Variants in CADM2 observed in about 807,000 individuals in gnomAD.
CADM2 encodes the protein cell adhesion molecule 2.
In CADM2, 12 loss-of-function variants were observed where a neutral mutation model predicts 49.8. The ratio of observed to expected loss-of-function variants is 0.24; its 90% CI spans 0.15 to 0.39. The LOEUF is 0.39. CADM2 is among the 10% of genes least tolerant of loss of function. CADM2 has a pLI of 1.00. For synonymous variants in CADM2, 214 were observed against 175.4 expected (o/e 1.22, Z -1.74); for missense variants, 378 against 492.3 (o/e 0.77, Z 2.20).
At chr3:85,601,130 GTATATATATATATATA>G (rs375011644) in intron 1 of CADM2, among the ~76,000 whole-genome samples, 2,533 of 109,610 alleles carry the variant, frequency 0.023, 131 homozygotes, top group Non-Finnish European at 0.031. Context: ...ATATATGTGT[GTATATATATATATATA>G]TATATATATA....
chr3:85,571,347 C>T (rs1336578969), intron 1 of CADM2, among the ~76,000 whole-genome samples: 1 of 151,784 alleles, frequency 6.6e-6, no homozygotes. Context: ...AAACTTAGTG[C>T]AATAGAATTA....
intron 3 of CADM2, among the ~76,000 whole-genome samples, chr3:85,874,115 C>T (rs921211540): frequency 2.6e-5 from 4 of 151,920 alleles, no homozygotes; most frequent in Admixed American, 6.6e-5. Context: ...ACAACAAGTG[C>T]CTGGATTTTC....
chr3:85,484,209 T>C (rs7637879), intron 1 of CADM2, among the ~76,000 whole-genome samples: 46,515 of 151,694 alleles, frequency 0.31, 8,113 homozygotes, highest in East Asian at 0.53. Flanking sequence ...AATGAATTCT[T>C]AGATATTACC....
At chr3:85,110,308 C>T (rs773543539) in intron 1 of CADM2, among the ~76,000 whole-genome samples, 3 of 151,730 alleles carry the variant, frequency 2.0e-5, no homozygotes, top group Non-Finnish European at 4.4e-5. Context: ...GATTTTATTT[C>T]TATCATTTGC....
intron 1 of CADM2, among the ~76,000 whole-genome samples, chr3:85,127,644 A>G (rs919862098): frequency 6.6e-6 from 1 of 152,152 alleles, no homozygotes; most frequent in African/African-American, 2.4e-5. Flanking sequence ...TATGTTTGAT[A>G]TTGCCACCCC....
intron 1 of CADM2, among the ~76,000 whole-genome samples, chr3:85,468,830 A>T (rs997562623): frequency 5.9e-5 from 9 of 152,176 alleles, no homozygotes; most frequent in African/African-American, 1.9e-4. Context: ...TAACGAGCAG[A>T]TCACCACTGT....
intron 1 of CADM2, among the ~76,000 whole-genome samples, chr3:85,234,156 A>G (rs748001805): frequency 6.6e-6 from 1 of 152,082 alleles, no homozygotes; most frequent in Non-Finnish European, 1.5e-5. Context: ...TGAAGCAAGG[A>G]CTTGAACTTT....
At chr3:85,234,687 C>A (rs1389702031) in intron 1 of CADM2, among the ~76,000 whole-genome samples, 2 of 152,090 alleles carry the variant, frequency 1.3e-5, no homozygotes, top group Non-Finnish European at 2.9e-5. Flanking sequence ...GATGATGATT[C>A]ATATTATCTA....
chr3:85,105,583 C>T (rs1207396905), intron 1 of CADM2, among the ~76,000 whole-genome samples: 1 of 152,138 alleles, frequency 6.6e-6, no homozygotes, highest in African/African-American at 2.4e-5. Context: ...ACCCAGCCAT[C>T]CCATTACTGG....
intron 1 of CADM2, among the ~76,000 whole-genome samples, chr3:85,531,713 A>T (rs79034248): frequency 0.081 from 12,383 of 152,114 alleles, 977 homozygotes; most frequent in African/African-American, 0.19. Flanking sequence ...ATTTTCCCCC[A>T]GTCTAAAAAT....
In CADM2 at chr3:85,135,629, A is replaced by G. The variant is rs934167291; in HGVS notation, c.61+175961A>G. ...ATAAGTTTAAGTGGCCAGATTCAGT[A>G]CATGAGTTTTTCAGCATTCTAATAG... On this transcript the variant is annotated intron_variant, in intron 1 of 9. Coordinates refer to ENST00000383699, the MANE Select transcript of CADM2 (RefSeq NM_001167675.2). 1.1e-4 allele frequency among the ~76,000 whole-genome samples: 16 copies of G among 152,122 alleles called. 1 individual carries two copies. The highest frequency in any genetic ancestry group is 3.6e-4 in the African/African-American group (15 of 41,462).
At chr3:84,980,936 C>T (rs1416471574) in intron 1 of CADM2, among the ~76,000 whole-genome samples, 3 of 152,042 alleles carry the variant, frequency 2.0e-5, no homozygotes, top group Non-Finnish European at 4.4e-5. Context: ...GCACCACACT[C>T]AGTGGTATTT....
At chr3:84,968,780 C>G (rs192585198) in intron 1 of CADM2, among the ~76,000 whole-genome samples, 130 of 152,132 alleles carry the variant, frequency 8.5e-4, no homozygotes, top group Admixed American at 2.3e-3. Context: ...CCTTAACTAG[C>G]CCATTAACAC....
chr3:85,255,170 G>A (rs1382814145), intron 1 of CADM2, among the ~76,000 whole-genome samples: 1 of 151,884 alleles, frequency 6.6e-6, no homozygotes, highest in Non-Finnish European at 1.5e-5. Context: ...ACAGAAACTT[G>A]GGAATCATCT....
At chr3:85,180,514 G>GAAAAAAAA (rs58932967) in intron 1 of CADM2, among the ~76,000 whole-genome samples, 4 of 77,276 alleles carry the variant, frequency 5.2e-5, no homozygotes, top group South Asian at 4.7e-4. Context: ...GTCTCAAAAA[G>GAAAAAAAA]AAAAAAAAAA....
chr3:86,025,561 G>A (rs1029126868), intron 8 of CADM2, among the ~76,000 whole-genome samples: 2 of 151,646 alleles, frequency 1.3e-5, no homozygotes, highest in Admixed American at 6.6e-5. Context: ...CACTTCCTTC[G>A]TTGGTGAAGT....
chr3:85,325,808 C>T (rs2044736535), intron 1 of CADM2, among the ~76,000 whole-genome samples: 1 of 151,820 alleles, frequency 6.6e-6, no homozygotes, highest in Non-Finnish European at 1.5e-5. Flanking sequence ...TTTCAAATTT[C>T]CCCATTTAAC....
At chr3:86,065,574 A>C in intron 8 of CADM2, 31 bp from the exon 9 acceptor site, 1 of 1,597,742 alleles carries the variant, frequency 6.3e-7, no homozygotes, top group Non-Finnish European at 8.5e-7. Context: ...ATAACACATT[A>C]AATAGAACAA....
At chr3:85,100,123 C>A (rs2037956585) in intron 1 of CADM2, among the ~76,000 whole-genome samples, 1 of 152,100 alleles carries the variant, frequency 6.6e-6, no homozygotes, top group Non-Finnish European at 1.5e-5. Context: ...AAACAGTGTT[C>A]CACTATTTTA....
Sources: gnomAD v4.1 joint callset for allele counts (sites outside exome capture counted in the v4.1 genomes callset) on GRCh38, gnomAD v4.1.1 for gene constraint, MANE v1.5 for transcripts, NCBI Gene and HGNC (gene_info 2026-07-23, HGNC 2026-07-21) for gene names.